Variants in CDC42BPA observed in about 807,000 individuals in gnomAD.
The protein encoded by CDC42BPA is CDC42 binding protein kinase alpha.
Under a neutral mutation model 223.5 loss-of-function variants are expected in CDC42BPA, and 80 were observed. The ratio of observed to expected loss-of-function variants is 0.36; its 90% CI spans 0.30 to 0.43. CDC42BPA has a LOEUF of 0.43. CDC42BPA is among the 20% of genes least tolerant of loss of function. The pLI is 1.00. For synonymous variants in CDC42BPA, 694 were observed against 718.6 expected (o/e 0.97, Z 0.55); for missense variants, 1,743 against 2,099.9 (o/e 0.83, Z 3.32).
At chr1:227,105,349 CTATTCTCT>C in intron 14 of CDC42BPA, among the ~76,000 whole-genome samples, 1 of 140,254 alleles carries the variant, frequency 7.1e-6, no homozygotes, top group South Asian at 2.2e-4. Context: ...GTGAATTTGC[CTATTCTCT>C]TTTTTTTTTT....
At chr1:227,033,438 A>G (rs780726489) in intron 26 of CDC42BPA, 23 bp from the exon 27 acceptor site, 5 of 1,545,118 alleles carry the variant, frequency 3.2e-6, no homozygotes, top group East Asian at 2.2e-5. Flanking sequence ...CAAAGCATTA[A>G]AAGTTACTAT....
At chr1:227,023,371 AT>A (rs869273937) in intron 31 of CDC42BPA, 24 bp from the exon 32 acceptor site, 1 of 1,266,104 alleles carries the variant, frequency 7.9e-7, no homozygotes, top group Non-Finnish European at 1.1e-6. Context: ...CAAAATTAGT[AT>A]TTCAACAAAA....
chr1:227,297,630 T>A (rs1252243609), intron 1 of CDC42BPA, among the ~76,000 whole-genome samples: 1 of 152,126 alleles, frequency 6.6e-6, no homozygotes, highest in Non-Finnish European at 1.5e-5. Flanking sequence ...TTCTGACACA[T>A]AATGCCACAT....
At chr1:227,278,569 GTAC>G (rs929981476) in intron 1 of CDC42BPA, among the ~76,000 whole-genome samples, 5 of 152,176 alleles carry the variant, frequency 3.3e-5, no homozygotes, top group African/African-American at 1.2e-4. Context: ...ATTGGGATTA[GTAC>G]TACAAAATAT....
intron 16 of CDC42BPA, among the ~76,000 whole-genome samples, chr1:227,084,847 G>C (rs1023193408): frequency 6.7e-6 from 1 of 148,374 alleles, no homozygotes; most frequent in Non-Finnish European, 1.5e-5. Context: ...GTGTCTCTGC[G>C]TAACACTTGA....
At chr1:227,069,663 TTCTAGGTCC>T in intron 21 of CDC42BPA, 105 bp downstream of exon 21, 1 of 660,820 alleles carries the variant, frequency 1.5e-6, no homozygotes, top group East Asian at 2.8e-5. Flanking sequence ...TTATTTAAGA[TTCTAGGTCC>T]TCTGATGTGG....
At chr1:227,288,273 G>A (rs1689114979) in intron 1 of CDC42BPA, among the ~76,000 whole-genome samples, 1 of 152,162 alleles carries the variant, frequency 6.6e-6, no homozygotes, top group African/African-American at 2.4e-5. Context: ...TGAATGGGAG[G>A]CAGAGGTGGG....
intron 2 of CDC42BPA, among the ~76,000 whole-genome samples, chr1:227,226,902 A>G (rs1676959215): frequency 6.6e-6 from 1 of 152,188 alleles, no homozygotes; most frequent in African/African-American, 2.4e-5. Context: ...GGTTAGATGG[A>G]GAGAAAAGAA....
At chr1:227,143,129 A>G in intron 8 of CDC42BPA, 105 bp from the exon 9 acceptor site, 1 of 635,060 alleles carries the variant, frequency 1.6e-6, no homozygotes, top group Non-Finnish European at 2.4e-6. Context: ...AAAAATTGTG[A>G]CTGTTCAATT....
intron 5 of CDC42BPA, among the ~76,000 whole-genome samples, chr1:227,192,443 A>C (rs1669880957): frequency 2.0e-5 from 3 of 152,110 alleles, no homozygotes; most frequent in African/African-American, 4.8e-5. Flanking sequence ...GGTTTCAACC[A>C]CCCTTCCTCC....
At chr1:227,186,160 A>G (rs1182976577) in intron 5 of CDC42BPA, among the ~76,000 whole-genome samples, 1 of 152,210 alleles carries the variant, frequency 6.6e-6, no homozygotes, top group Non-Finnish European at 1.5e-5. Context: ...AGCCTGAAAG[A>G]TTAAAAACTC....
chr1:227,117,697 T>TTA (rs1241948461), intron 12 of CDC42BPA, among the ~76,000 whole-genome samples: 1 of 151,894 alleles, frequency 6.6e-6, no homozygotes, highest in Non-Finnish European at 1.5e-5. Context: ...ATTTAAAACT[T>TTA]TAAGATAAAA....
intron 2 of CDC42BPA, among the ~76,000 whole-genome samples, chr1:227,224,290 A>G (rs984274108): frequency 2.0e-5 from 3 of 150,776 alleles, no homozygotes; most frequent in Non-Finnish European, 4.4e-5. Flanking sequence ...CTGGAGTGCA[A>G]TGGTGCAGTC....
rs370788119 is a variant in CDC42BPA at position 227,102,968 on chromosome 1, T to TA, written c.2002-1730dup. ...TAAGTCCCACAATAAAACCATTACA[T>TA]AAAAAAAACCAGTAATTCTTTTAAT... is the stretch of plus-strand genomic sequence containing the variant. On this transcript the variant is annotated intron_variant, in intron 14 of 36. Transcript: ENST00000366766. Among the ~76,000 whole-genome samples, 856 of 151,818 alleles carry TA rather than the reference T, an allele frequency of 5.6e-3. 8 individuals are homozygous for TA. The highest frequency in any genetic ancestry group is 0.019 in the African/African-American group (802 of 41,436).
intron 23 of CDC42BPA, among the ~76,000 whole-genome samples, chr1:227,043,242 G>A (rs1237667504): frequency 6.6e-6 from 1 of 151,822 alleles, no homozygotes; most frequent in Non-Finnish European, 1.5e-5. Flanking sequence ...GTGAAACCCC[G>A]TCTCTATTAA....
chr1:227,251,473 A>G (rs1681996560), intron 2 of CDC42BPA, among the ~76,000 whole-genome samples: 1 of 152,192 alleles, frequency 6.6e-6, no homozygotes, highest in Non-Finnish European at 1.5e-5. Flanking sequence ...AACAAAATCT[A>G]ATTATATTCT....
chr1:227,173,058 T>C (rs1393412183), intron 5 of CDC42BPA, among the ~76,000 whole-genome samples: 2 of 152,218 alleles, frequency 1.3e-5, no homozygotes, highest in Non-Finnish European at 2.9e-5. Flanking sequence ...TAAATAGTTC[T>C]GTACAAGTAC....
chr1:227,252,960 G>T (rs1290625843), intron 2 of CDC42BPA, among the ~76,000 whole-genome samples: 1 of 152,080 alleles, frequency 6.6e-6, no homozygotes, highest in African/African-American at 2.4e-5. Context: ...ATAATATCAA[G>T]ACTATCACAT....
At chr1:227,165,342 C>T (rs1664844545) in intron 5 of CDC42BPA, among the ~76,000 whole-genome samples, 1 of 152,184 alleles carries the variant, frequency 6.6e-6, no homozygotes, top group Non-Finnish European at 1.5e-5. Context: ...TGAATTATAA[C>T]TGCCTACAAG....
Sources: gnomAD v4.1 joint callset for allele counts (sites outside exome capture counted in the v4.1 genomes callset) on GRCh38, gnomAD v4.1.1 for gene constraint, MANE v1.5 for transcripts, NCBI Gene and HGNC (gene_info 2026-07-23, HGNC 2026-07-21) for gene names.